The following MTOR variants were observed in gnomAD, a reference collection of about 807,000 sequenced individuals.
The protein encoded by MTOR is serine/threonine-protein kinase mTOR.
MTOR carries 70 observed loss-of-function variants against 319.8 expected under a neutral mutation model. That is an observed-to-expected ratio of 0.22 (90% CI 0.18 to 0.27). The LOEUF is 0.27. MTOR is among the 10% of genes least tolerant of loss of function. MTOR has a pLI of 1.00. For synonymous variants in MTOR, 1,183 were observed against 1,211.4 expected, an observed-to-expected ratio of 0.98 and a Z score of 0.49; for missense variants, 1,890 against 3,274.4, an observed-to-expected ratio of 0.58 and a Z score of 10.32.
chr1:11,218,974 A>G (rs1315971525), intron 19 of MTOR, among the ~76,000 whole-genome samples: 1 of 151,932 alleles, frequency 6.6e-6, no homozygotes, highest in Non-Finnish European at 1.5e-5. Context: ...TTGGGAGGCC[A>G]AGGTAGGCAG....
rs1642097651 is a variant in MTOR, at chr1:11,115,126, C to T, written c.7090-239G>A. Among the ~76,000 whole-genome samples, 1 of 152,012 alleles carries T rather than the reference C, an allele frequency of 6.6e-6. No individual in the cohort carries two copies. Among genetic ancestry groups the T allele is most frequent in the Non-Finnish European group, 1.5e-5 (1 of 67,988 alleles). On this transcript the variant is annotated intron_variant, in intron 51 of 57. Transcript: ENST00000361445. The surrounding 1 kb of genome is among the most constrained non-coding windows in gnomAD (Gnocchi z 4.5). ...AAAAGGAAAAAAGACAAATGTGCAT[C>T]GTGTCCAGGCTCTTGGGCAACAGGT...
At chr1:11,137,512 T>G (rs548772836) in intron 36 of MTOR, among the ~76,000 whole-genome samples, 1 of 152,302 alleles carries the variant, frequency 6.6e-6, no homozygotes, top group African/African-American at 2.4e-5. Context: ...AATTGGAAAT[T>G]TTCTATTTAA....
chr1:11,111,483 G>GA (rs34258245), intron 54 of MTOR: 77,758 of 137,092 alleles, frequency 0.57, 24,779 homozygotes, highest in East Asian at 0.78. Context: ...TCTGTCTCAA[G>GA]AAAAAAAAAA....
rs74873360 is a variant in MTOR at position 11,167,261 on chromosome 1, AG to A, written c.4329+180del. On this transcript the variant is annotated intron_variant, in intron 29 of 57. Coordinates refer to ENST00000361445, the MANE Select transcript of MTOR (RefSeq NM_004958.4). Reference sequence around the variant, plus strand: ...AAGTATAATTAAAAAAAAAAAAGAAAGAAATAGAGTCCCTACAGACACAGTT... The same window carrying A: ...AAGTATAATTAAAAAAAAAAAAGAAAAAATAGAGTCCCTACAGACACAGTT... Among the ~76,000 whole-genome samples, 850 of 152,262 alleles carry A rather than the reference AG, an allele frequency of 5.6e-3. 49 individuals carry two copies. In the East Asian group the frequency reaches 0.13, roughly 24 times the overall value.
chr1:11,120,995 T>C (rs910681964), intron 49 of MTOR, among the ~76,000 whole-genome samples: 44 of 152,300 alleles, frequency 2.9e-4, no homozygotes, highest in African/African-American at 9.9e-4. Context: ...ATTTGTAACA[T>C]ATATAAAAAA....
chr1:11,189,984 T>C, intron 28 of MTOR: 1 of 1,575,590 alleles, frequency 6.3e-7, no homozygotes, highest in Non-Finnish European at 8.6e-7. Flanking sequence ...TGAGGGAGCG[T>C]GGAGTGCCTC....
intron 31 of MTOR, among the ~76,000 whole-genome samples, chr1:11,148,374 T>C (rs1356653455): frequency 6.6e-6 from 1 of 152,200 alleles, no homozygotes; most frequent in Non-Finnish European, 1.5e-5. Context: ...AGAAATATGT[T>C]TGGTCTTTGT....
chr1:11,128,694 A>C lies in MTOR; in HGVS notation c.5812-142T>G. 1 of 1,049,154 alleles carries C rather than the reference A, an allele frequency of 9.5e-7. No individual in the cohort carries two copies. Among genetic ancestry groups the C allele is most frequent in the Non-Finnish European group, 1.4e-6 (1 of 712,394 alleles). 65.0% of individuals were successfully genotyped at this position (1,049,154 alleles called of 1,614,324 possible). ...CCCTTCCCTTTAGTTTCTAAAAGAAAATAAAGAAAATATGGACACTTGACA... is the reference window on the plus strand; with the variant it reads ...CCCTTCCCTTTAGTTTCTAAAAGAACATAAAGAAAATATGGACACTTGACA... On this transcript the variant is annotated intron_variant, in intron 41 of 57. Coordinates refer to ENST00000361445, the MANE Select transcript of MTOR (RefSeq NM_004958.4). This position sits in a 1 kb window ranked among gnomAD's most constrained non-coding sequence, Gnocchi z 5.3.
In MTOR at chr1:11,240,325, C is replaced by A. The variant is rs761376649; in HGVS notation, c.1764G>T (p.Thr588=). The A allele has an allele frequency of 6.4e-7, 1 of 1,571,832 alleles. No individual in the cohort carries two copies. Among genetic ancestry groups the A allele is most frequent in the Non-Finnish European group, 8.6e-7 (1 of 1,158,694 alleles). The part of the protein sequence containing the change: ...DVGSITLALR[T]LGSFEFEGHS... ...TACCTTCAAATTCAAAGCTGCCAAG[C>A]GTTCGGAGGGCAAGAGTGATGCTGC... The change falls in exon 11 of 58, where the codon ACG becomes ACT. Residue 588 remains threonine, a synonymous_variant. Transcript: ENST00000361445.
chr1:11,217,599 G>A (rs1247398657), intron 19 of MTOR, among the ~76,000 whole-genome samples: 2 of 148,556 alleles, frequency 1.3e-5, no homozygotes, highest in East Asian at 2.0e-4. Flanking sequence ...TTTTAGTAGA[G>A]ACAGGGTTTC....
rs2100433857 is a variant in MTOR at position 11,130,795 on chromosome 1, C to G, written c.5365-18G>C. 6.4e-7 allele frequency: 1 copy of G among 1,553,244 alleles called. No homozygotes were observed. The highest frequency in any genetic ancestry group is 8.7e-7 in the Non-Finnish European group (1 of 1,148,234). The stretch of plus-strand genomic sequence containing the variant: ...TGCCAGGCCTGGTTGGGGAGAAAGG[C>G]AAGGACAGACACTGGAGCTGTGACC... On this transcript the variant is annotated intron_variant, in intron 38 of 57. Transcript: ENST00000361445.
chr1:11,145,096 G>A (rs1352541655), intron 32 of MTOR, 51 bp from the exon 33 acceptor site: 2 of 1,508,034 alleles, frequency 1.3e-6, no homozygotes, highest in African/African-American at 1.4e-5. Context: ...GGAGCTTAGG[G>A]TTATTTTAGG....
At chr1:11,145,449 T>C (rs910388578) in intron 32 of MTOR, among the ~76,000 whole-genome samples, 6 of 151,986 alleles carry the variant, frequency 3.9e-5, no homozygotes, top group African/African-American at 1.4e-4. Flanking sequence ...TGATCTTGGC[T>C]CACTGCAGTC....
At chr1:11,124,445 G>A (rs1010051807) in intron 47 of MTOR, 53 bp downstream of exon 47, 1 of 1,581,926 alleles carries the variant, frequency 6.3e-7, no homozygotes, top group Non-Finnish European at 8.7e-7. Context: ...GACAAATGTA[G>A]GAAAAAACCA....
rs779047966 is a variant in MTOR at position 11,204,718 on chromosome 1, G to A, written c.3802-15C>T. 3.1e-6 allele frequency: 5 copies of A among 1,610,424 alleles called. No individual in the cohort carries two copies. The South Asian group carries it at 5.5e-5, about 18-fold the overall frequency. ...GCGCCCCAGGCCTGTGATCCCACAG[G>A]TGACAATGGAAAACAATCAGTTTCA... On this transcript the variant is annotated splice_polypyrimidine_tract_variant and intron_variant, in intron 25 of 57. Transcript: ENST00000361445.
chr1:11,128,187 G>A lies in MTOR; in HGVS notation c.5911-61C>T, dbSNP rs2100415612. The A allele has an allele frequency of 6.3e-7, 1 of 1,593,292 alleles. No homozygotes were observed. The highest frequency in any genetic ancestry group is 2.2e-5 in the East Asian group (1 of 44,758). ...ATGTGGGTTGGGGAAGAGCTGGTAT[G>A]AATTTTAAGGAGAATAACAAAACAA... On this transcript the variant is annotated intron_variant, in intron 42 of 57. Transcript: ENST00000361445. This position sits in a 1 kb window ranked among gnomAD's most constrained non-coding sequence, Gnocchi z 5.3.
intron 6 of MTOR, among the ~76,000 whole-genome samples, 173 bp downstream of exon 6, chr1:11,253,666 T>C (rs1483179587): frequency 1.3e-5 from 2 of 152,120 alleles, no homozygotes; most frequent in Admixed American, 1.3e-4. Flanking sequence ...CTCTATTCTA[T>C]TCTGGTTTGA....
intron 28 of MTOR, among the ~76,000 whole-genome samples, chr1:11,184,203 T>C (rs2100677929): frequency 6.6e-6 from 1 of 152,340 alleles, no homozygotes; most frequent in African/African-American, 2.4e-5. Context: ...TTTTGATTTT[T>C]ATCTCCATTT....
At chr1:11,131,008 C>A in intron 38 of MTOR, 1 of 600,296 alleles carries the variant, frequency 1.7e-6, no homozygotes, top group Admixed American at 3.1e-5. Flanking sequence ...GCGAGAAGGG[C>A]ACAGCAAGAG....
Sources: allele counts gnomAD v4.1 joint callset (sites outside exome capture counted in the v4.1 genomes callset), GRCh38; gene constraint gnomAD v4.1.1; non-coding constraint Gnocchi (gnomAD v3.1); transcripts MANE v1.5; gene names NCBI Gene and HGNC (gene_info 2026-07-23, HGNC 2026-07-21).